Variants in CDKAL1 observed in about 807,000 individuals in gnomAD.
The protein encoded by CDKAL1 is CDKAL1 threonylcarbamoyladenosine tRNA methylthiotransferase, also known as threonylcarbamoyladenosine tRNA methylthiotransferase.
A neutral mutation model predicts 68.2 loss-of-function variants in CDKAL1; 32 were observed. The observed-to-expected ratio is 0.47, with a 90% CI of 0.35 to 0.63. The LOEUF (loss-of-function observed/expected upper bound fraction) is 0.63, where lower values mean the gene tolerates loss of function less well. CDKAL1 is among the 30% of genes least tolerant of loss of function. The probability of loss-of-function intolerance (pLI) is 0.00; values close to 1 mark genes in which losing one functional copy is unlikely to be tolerated. For missense variants in CDKAL1, 606 were observed against 696.7 expected, an observed-to-expected ratio of 0.87 and a Z score of 1.47; for synonymous variants, 234 against 244.3, an observed-to-expected ratio of 0.96 and a Z score of 0.39.
At chr6:20,737,937 AC>A (rs1221771104) in intron 5 of CDKAL1, among the ~76,000 whole-genome samples, 3 of 152,246 alleles carry the variant, frequency 2.0e-5, no homozygotes, top group Admixed American at 2.0e-4. Flanking sequence ...GCTGTTCATC[AC>A]AAAGAGCCCA....
intron 13 of CDKAL1, among the ~76,000 whole-genome samples, chr6:21,175,635 T>G (rs568959562): frequency 1.8e-4 from 28 of 152,252 alleles, no homozygotes; most frequent in Non-Finnish European, 3.7e-4. Flanking sequence ...TTTCTCCATT[T>G]TTAAAAACCA....
intron 5 of CDKAL1, among the ~76,000 whole-genome samples, chr6:20,722,739 C>G (rs998329396): frequency 6.6e-6 from 1 of 152,076 alleles, no homozygotes; most frequent in African/African-American, 2.4e-5. Context: ...TGATTAATGC[C>G]TTTTTACCAA....
At chr6:20,657,747 T>C (rs1769093163) in intron 5 of CDKAL1, among the ~76,000 whole-genome samples, 1 of 152,242 alleles carries the variant, frequency 6.6e-6, no homozygotes, top group Non-Finnish European at 1.5e-5. Context: ...GTTTGTATTA[T>C]TGATATTCAG....
At chr6:20,790,374 C>T (rs997037420) in intron 8 of CDKAL1, among the ~76,000 whole-genome samples, 2 of 152,070 alleles carry the variant, frequency 1.3e-5, no homozygotes, top group African/African-American at 4.8e-5. Flanking sequence ...AAAACAAAAC[C>T]CATAAGCAGT....
At chr6:20,540,815 G>A (rs1763361878) in intron 2 of CDKAL1, among the ~76,000 whole-genome samples, 1 of 152,214 alleles carries the variant, frequency 6.6e-6, no homozygotes, top group African/African-American at 2.4e-5. Flanking sequence ...GTGTGGAATA[G>A]GCAGTTGAAC....
intron 9 of CDKAL1, among the ~76,000 whole-genome samples, chr6:20,862,635 T>TTGTGTGTGTG (rs56736298): frequency 8.8e-4 from 131 of 149,204 alleles, no homozygotes; most frequent in African/African-American, 3.1e-3. Flanking sequence ...TCTTTCCAAC[T>TTGTGTGTGTG]TGTGTGTGTG....
At chr6:20,786,953 T>C (rs1366946307) in intron 8 of CDKAL1, among the ~76,000 whole-genome samples, 2 of 152,200 alleles carry the variant, frequency 1.3e-5, no homozygotes, top group East Asian at 3.9e-4. Context: ...TTTTGACAGT[T>C]CTTTGGCAAT....
chr6:20,566,314 G>T (rs562934011), intron 4 of CDKAL1, among the ~76,000 whole-genome samples: 1 of 152,004 alleles, frequency 6.6e-6, no homozygotes, highest in Non-Finnish European at 1.5e-5. Flanking sequence ...CTTCTGTGTG[G>T]CCTAGATATG....
At chr6:20,878,167 A>G (rs146354157) in intron 9 of CDKAL1, among the ~76,000 whole-genome samples, 178 of 152,268 alleles carry the variant, frequency 1.2e-3, no homozygotes, top group African/African-American at 4.1e-3. Flanking sequence ...CGCCCCTACT[A>G]GACTGTAAGA....
intron 8 of CDKAL1, among the ~76,000 whole-genome samples, chr6:20,815,502 CT>C (rs200376724): frequency 9.7e-4 from 146 of 150,054 alleles, no homozygotes; most frequent in African/African-American, 3.4e-3. Context: ...TCTTTTTCTC[CT>C]TTTTTTTTAA....
chr6:20,618,743 G>C lies in CDKAL1; in HGVS notation c.287-30550G>C, dbSNP rs966111108. Among the ~76,000 whole-genome samples, 4 of 151,862 alleles carry C rather than the reference G, an allele frequency of 2.6e-5. No individual in the cohort carries two copies. In the East Asian group the frequency reaches 7.7e-4, roughly 29 times the overall value. On this transcript the variant is annotated intron_variant, in intron 4 of 15. Transcript: ENST00000274695. ...ACCCAGGCTGGAGTGTAGTGGCGCA[G>C]TCTTGGCTCACTCTAGCCTCGACTT...
intron 9 of CDKAL1, among the ~76,000 whole-genome samples, chr6:20,869,006 A>G (rs1300266803): frequency 2.0e-5 from 3 of 152,182 alleles, no homozygotes; most frequent in Non-Finnish European, 4.4e-5. Context: ...GAGGTGGCGG[A>G]TGTGCAGCGA....
At chr6:20,961,949 C>G (rs1434073541) in intron 10 of CDKAL1, among the ~76,000 whole-genome samples, 2 of 152,090 alleles carry the variant, frequency 1.3e-5, no homozygotes, top group African/African-American at 4.8e-5. Flanking sequence ...TTATTCTGGT[C>G]CTCCCTCTGT....
At chr6:20,898,998 G>A (rs982696397) in intron 9 of CDKAL1, among the ~76,000 whole-genome samples, 4 of 151,446 alleles carry the variant, frequency 2.6e-5, no homozygotes, top group African/African-American at 9.7e-5. Flanking sequence ...CATGTTATAT[G>A]ACTAACTCTA....
intron 9 of CDKAL1, among the ~76,000 whole-genome samples, chr6:20,953,259 G>T (rs1364509080): frequency 6.6e-6 from 1 of 152,132 alleles, no homozygotes; most frequent in African/African-American, 2.4e-5. Context: ...TGAAGAGCTG[G>T]CTGCTGTTTC....
Position 20,546,425 on chromosome 6 carries a change from A to G in CDKAL1, c.75A>G (p.Gln25=), listed in dbSNP as rs1168024586. The G allele has an allele frequency of 6.2e-7, 1 of 1,614,182 alleles. No individual in the cohort carries two copies. The highest frequency in any genetic ancestry group is 1.3e-5 in the African/African-American group (1 of 75,076). Residue 25 remains glutamine (Q), a synonymous_variant, in exon 3 of 16, where the codon CAA becomes CAG. Coordinates refer to ENST00000274695, the MANE Select transcript of CDKAL1 (RefSeq NM_017774.3). ...TGTCTCAGGAAGATTCAAAACCACA[A>G]GATAGGCATTTTGTAAGAAAGGATG... ...DIVSQEDSKP[Q]DRHFVRKDVV... is the part of the protein sequence containing the mutation.
chr6:20,610,598 C>T (rs1766577006), intron 4 of CDKAL1, among the ~76,000 whole-genome samples: 1 of 152,016 alleles, frequency 6.6e-6, no homozygotes, highest in Non-Finnish European at 1.5e-5. Flanking sequence ...TACCATAGGA[C>T]CAATAACCCA....
intron 9 of CDKAL1, among the ~76,000 whole-genome samples, chr6:20,869,261 A>G (rs1003057477): frequency 1.3e-5 from 2 of 152,234 alleles, no homozygotes; most frequent in African/African-American, 4.8e-5. Context: ...CCCTAGTAAC[A>G]TTCACATGAC....
chr6:20,798,785 G>T, intron 8 of CDKAL1, among the ~76,000 whole-genome samples: 1 of 104,762 alleles, frequency 9.5e-6, no homozygotes, highest in Admixed American at 1.2e-4. Flanking sequence ...AGGGGGGAGG[G>T]ATAGCATTAG....
Sources: allele counts gnomAD v4.1 joint callset (sites outside exome capture counted in the v4.1 genomes callset), GRCh38; gene constraint gnomAD v4.1.1; transcripts MANE v1.5; gene names NCBI Gene and HGNC (gene_info 2026-07-23, HGNC 2026-07-21).